The following MTMR8 variants were observed in gnomAD, a reference collection of about 807,000 sequenced individuals.
The protein encoded by MTMR8 is phosphatidylinositol-3,5-bisphosphate 3-phosphatase MTMR8.
Under a neutral mutation model 39.3 loss-of-function variants are expected in MTMR8, and 65 were observed. That is an observed-to-expected ratio of 1.65 (90% CI 1.35 to 2.03). MTMR8 has a LOEUF of 2.03. Ranked by LOEUF, MTMR8 falls within the 30% of genes most tolerant of loss-of-function variation. The pLI, the probability that MTMR8 is intolerant of heterozygous loss-of-function variation, is 0.00. For missense variants in MTMR8, 777 were observed against 538.9 expected (o/e 1.44, Z -4.37); for synonymous variants, 245 against 185.2 (o/e 1.32, Z -2.62).
chrX:64,296,133 T>C (rs1921571959), intron 12 of MTMR8, among the ~76,000 whole-genome samples: 1 of 111,973 alleles, frequency 8.9e-6, no homozygotes, highest in Non-Finnish European at 1.9e-5. Flanking sequence ...CAAAAAGGAA[T>C]GAAGTTCTGA....
chrX:64,317,795 T>C (rs1922512721), intron 12 of MTMR8, among the ~76,000 whole-genome samples: 1 of 112,283 alleles, frequency 8.9e-6, no homozygotes, highest in South Asian at 3.7e-4. Context: ...TGGCAGGGGA[T>C]AATAAAGAAG....
chrX:64,312,375 G>T (rs1922337183), intron 12 of MTMR8, among the ~76,000 whole-genome samples: 1 of 111,887 alleles, frequency 8.9e-6, no homozygotes, highest in Admixed American at 9.5e-5. Flanking sequence ...CTTTGCTGAA[G>T]TTGCTTATCA....
chrX:64,308,065 T>C (rs776787139), intron 12 of MTMR8, among the ~76,000 whole-genome samples: 8 of 111,628 alleles, frequency 7.2e-5, no homozygotes, highest in Non-Finnish European at 1.3e-4. Context: ...CCTATGTTGA[T>C]GGGTGCAGCA....
chrX:64,309,267 C>A (rs775732988), intron 12 of MTMR8, among the ~76,000 whole-genome samples: 1 of 111,691 alleles, frequency 9.0e-6, no homozygotes, highest in South Asian at 3.7e-4. Context: ...TTATTTAGTT[C>A]TTTGATTTCA....
chrX:64,283,613 C>A (rs942761449), intron 12 of MTMR8, among the ~76,000 whole-genome samples: 1 of 112,035 alleles, frequency 8.9e-6, no homozygotes, highest in African/African-American at 3.2e-5. Flanking sequence ...CTGGGTACCC[C>A]TCTGAGATGA....
In MTMR8 at chrX:64,378,505, G is replaced by A. The variant is rs188461071; in HGVS notation, c.24+16835C>T. 1.5e-3 allele frequency among the ~76,000 whole-genome samples: 163 copies of A among 112,396 alleles called. 2 individuals are homozygous for A. Among genetic ancestry groups the A allele is most frequent in the Middle Eastern group, 4.6e-3 (1 of 218 alleles). ...CAAAATGCTAGGGTCTCAGGCATGA[G>A]CCACTGTGACCAGCCTGACACTTGA... is the stretch of plus-strand genomic sequence containing the variant. On this transcript the variant is annotated intron_variant, in intron 1 of 13. Transcript: ENST00000374852.
At chrX:64,269,308 G>A (rs768591903) in intron 13 of MTMR8, among the ~76,000 whole-genome samples, 2 of 111,362 alleles carry the variant, frequency 1.8e-5, no homozygotes, top group Non-Finnish European at 3.8e-5. Flanking sequence ...ATGGGGAGAG[G>A]GCAGGGGAAA....
intron 1 of MTMR8, among the ~76,000 whole-genome samples, chrX:64,383,590 G>A (rs986699297): frequency 1.8e-5 from 2 of 110,036 alleles, no homozygotes; most frequent in Non-Finnish European, 3.8e-5. Context: ...AAGGTGAAGA[G>A]GGAGCAGGCA....
At chrX:64,293,100 CATG>C (rs1403393623) in intron 12 of MTMR8, among the ~76,000 whole-genome samples, 1 of 111,268 alleles carries the variant, frequency 9.0e-6, no homozygotes, top group Non-Finnish European at 1.9e-5. Context: ...TGACCTGCAG[CATG>C]ATGACTTGGC....
chrX:64,306,256 G>A, intron 12 of MTMR8: 1 of 339,478 alleles, frequency 2.9e-6, no homozygotes, highest in South Asian at 3.1e-5. Flanking sequence ...GAATGGAGGA[G>A]CCTCAGGAAA....
chrX:64,302,095 C>A (rs1466775857), intron 12 of MTMR8, among the ~76,000 whole-genome samples: 1 of 112,931 alleles, frequency 8.9e-6, no homozygotes, highest in Non-Finnish European at 1.9e-5. Context: ...TGGCTCCACC[C>A]AGTTCGAGCT....
At chrX:64,288,158 C>T (rs1435732630) in intron 12 of MTMR8, among the ~76,000 whole-genome samples, 2 of 106,202 alleles carry the variant, frequency 1.9e-5, no homozygotes, top group Non-Finnish European at 3.9e-5. Context: ...CAAAAATTTA[C>T]AAGAAAAAAC....
chrX:64,367,100 A>G (rs1444653393), intron 1 of MTMR8, among the ~76,000 whole-genome samples: 1 of 111,933 alleles, frequency 8.9e-6, no homozygotes, highest in Admixed American at 9.4e-5. Flanking sequence ...AAGCTCTGAA[A>G]TTGAGGCAAT....
intron 12 of MTMR8, among the ~76,000 whole-genome samples, chrX:64,304,860 T>TTA (rs751399962): frequency 0.045 from 1,294 of 28,458 alleles, 129 homozygotes; most frequent in East Asian, 0.11. Flanking sequence ...GATCAAACAT[T>TTA]TATATATATA....
chrX:64,293,693 C>T (rs906130053), intron 12 of MTMR8, among the ~76,000 whole-genome samples: 22 of 111,205 alleles, frequency 2.0e-4, no homozygotes, highest in African/African-American at 6.9e-4. Flanking sequence ...CATTGGCTGG[C>T]TTTGTTGGAC....
intron 12 of MTMR8, among the ~76,000 whole-genome samples, chrX:64,300,152 A>C (rs12380932): frequency 9.4e-6 from 1 of 105,846 alleles, no homozygotes; most frequent in African/African-American, 3.5e-5. Flanking sequence ...TTTCTGTCTC[A>C]TTGATCTGTC....
chrX:64,364,708 T>C (rs1481899623), intron 1 of MTMR8, among the ~76,000 whole-genome samples: 1 of 111,626 alleles, frequency 9.0e-6, no homozygotes, highest in Non-Finnish European at 1.9e-5. Flanking sequence ...CCTCTTCTCC[T>C]CCAAAGGACT....
intron 1 of MTMR8, among the ~76,000 whole-genome samples, chrX:64,388,529 C>A (rs754203763): frequency 1.8e-5 from 2 of 112,422 alleles, no homozygotes; most frequent in South Asian, 3.7e-4. Flanking sequence ...CCTCTCCACA[C>A]CCTACTTCTC....
intron 1 of MTMR8, chrX:64,360,281 A>G: frequency 8.6e-6 from 2 of 233,227 alleles, no homozygotes; most frequent in South Asian, 5.0e-5. Context: ...CATATTGTAT[A>G]ATACAGTCTC....
Sources: gnomAD v4.1 joint callset for allele counts (sites outside exome capture counted in the v4.1 genomes callset) on GRCh38, gnomAD v4.1.1 for gene constraint, MANE v1.5 for transcripts, NCBI Gene and HGNC (gene_info 2026-07-23, HGNC 2026-07-21) for gene names.